C8orf74: variants seen among roughly 807,000 people sequenced by gnomAD.
The protein encoded by C8orf74 is uncharacterized protein C8orf74.
A neutral mutation model predicts 22.2 loss-of-function variants in C8orf74; 29 were observed. That is an observed-to-expected ratio of 1.31 (90% CI 0.97 to 1.78). The LOEUF is 1.78. Ranked by LOEUF, C8orf74 falls within the 40% of genes most tolerant of loss-of-function variation. The probability of loss-of-function intolerance (pLI) is 0.00; values close to 1 mark genes in which losing one functional copy is unlikely to be tolerated. For missense variants in C8orf74, 515 were observed against 369.9 expected (o/e 1.39, Z -3.22); for synonymous variants, 255 against 163.1 (o/e 1.56, Z -4.30).
chr8:10,695,546 G>A (rs2129058803), intron 2 of C8orf74, among the ~76,000 whole-genome samples: 1 of 152,266 alleles, frequency 6.6e-6, no homozygotes, highest in South Asian at 2.1e-4. Flanking sequence ...ATTTTCCCAA[G>A]ACCATGATGT....
Position 10,700,367 on chromosome 8 carries a change from G to GCCCCCCCCCCCAAACCCCCC in C8orf74, c.786_787insCCCCCCAAACCCCCCCCCCC (p.Thr263ProfsTer24). ...TCAGAAGAAGACTCTGAACCTCAACGCCCCCACCCCTATCCCGCCCCCCAT... is the reference window on the plus strand; with the variant it reads ...TCAGAAGAAGACTCTGAACCTCAACGCCCCCCCCCCCAAACCCCCCCCCCCACCCCTATCCCGCCCCCCAT... On this transcript the variant is annotated frameshift_variant, in exon 4 of 4. Coordinates refer to ENST00000304519, the MANE Select transcript of C8orf74 (RefSeq NM_001040032.2). LOFTEE classifies it low-confidence loss of function (END_TRUNC). 5 of 1,590,882 alleles carry GCCCCCCCCCCCAAACCCCCC rather than the reference G, an allele frequency of 3.1e-6. No homozygotes were observed. The highest frequency in any genetic ancestry group is 1.3e-5 in the African/African-American group (1 of 74,438).
chr8:10,687,125 C>T (rs1328172546), intron 2 of C8orf74: 2 of 456,160 alleles, frequency 4.4e-6, no homozygotes, highest in South Asian at 1.5e-5. Context: ...GTAGGAATGC[C>T]AGCAGAGGCC....
chr8:10,690,364 G>A (rs927314726), intron 2 of C8orf74, among the ~76,000 whole-genome samples: 17 of 152,150 alleles, frequency 1.1e-4, no homozygotes, highest in Admixed American at 1.0e-3. Flanking sequence ...GGCAGCCAGG[G>A]GTGAAGGAGT....
At chr8:10,695,865 C>A (rs1210888057) in intron 2 of C8orf74, among the ~76,000 whole-genome samples, 2 of 152,180 alleles carry the variant, frequency 1.3e-5, no homozygotes, top group Non-Finnish European at 1.5e-5. Context: ...ATGTTACTTT[C>A]ATTGTCGGCA....
At chr8:10,697,034 T>A (rs557445102) in intron 2 of C8orf74, among the ~76,000 whole-genome samples, 34 of 151,680 alleles carry the variant, frequency 2.2e-4, no homozygotes, top group African/African-American at 8.2e-4. Flanking sequence ...ATTTACATGA[T>A]TATACTGGGG....
intron 2 of C8orf74, among the ~76,000 whole-genome samples, chr8:10,678,207 G>A (rs1394322361): frequency 3.3e-5 from 5 of 152,294 alleles, no homozygotes; most frequent in African/African-American, 9.6e-5. Context: ...TACTGGGTGC[G>A]TGGTCTAGGG....
At chr8:10,699,538 A>G (rs1799608155) in intron 3 of C8orf74, among the ~76,000 whole-genome samples, 1 of 152,238 alleles carries the variant, frequency 6.6e-6, no homozygotes, top group Non-Finnish European at 1.5e-5. Flanking sequence ...TTGCTCGGGC[A>G]AGGAACCTAG....
chr8:10,693,778 C>A (rs1799432826), intron 2 of C8orf74, among the ~76,000 whole-genome samples: 1 of 152,188 alleles, frequency 6.6e-6, no homozygotes, highest in Non-Finnish European at 1.5e-5. Flanking sequence ...TCTTGCACAC[C>A]CTACGTCCGA....
intron 2 of C8orf74, among the ~76,000 whole-genome samples, chr8:10,678,180 G>A (rs1437733925): frequency 2.6e-5 from 4 of 152,184 alleles, no homozygotes; most frequent in South Asian, 2.1e-4. Flanking sequence ...GGAAAATTCA[G>A]GTCTTACCTG....
chr8:10,678,070 G>C (rs1369552768), intron 2 of C8orf74, among the ~76,000 whole-genome samples: 1 of 152,146 alleles, frequency 6.6e-6, no homozygotes, highest in East Asian at 1.9e-4. Flanking sequence ...GTGAGGCATG[G>C]TTAATACAAA....
intron 2 of C8orf74, among the ~76,000 whole-genome samples, chr8:10,683,263 T>C (rs536126694): frequency 6.6e-6 from 1 of 152,328 alleles, no homozygotes; most frequent in South Asian, 2.1e-4. Context: ...GGCTCCAGGA[T>C]GGTACGTGGC....
In C8orf74 at chr8:10,674,730, C is replaced by T. The variant is rs771878706; in HGVS notation, c.133C>T (p.Leu45=). 2.2e-5 allele frequency: 36 copies of T among 1,608,106 alleles called. 1 individual carries two copies. In the South Asian group the frequency reaches 3.0e-4, roughly 13 times the overall value. The change falls in exon 2 of 4, where the codon CTG becomes TTG. Residue 45 remains leucine, a synonymous_variant. Coordinates refer to ENST00000304519, the MANE Select transcript of C8orf74 (RefSeq NM_001040032.2). Reference sequence around the variant, plus strand: ...GAGAGACTCCCGGAGGAGCATCCTGCTGGACACCCTCTACGAGAGCATCAT... The same window carrying T: ...GAGAGACTCCCGGAGGAGCATCCTGTTGGACACCCTCTACGAGAGCATCAT... ...EQRDSRRSIL[L]DTLYESIIFA...
At chr8:10,687,800 A>C (rs1799292540) in intron 2 of C8orf74, among the ~76,000 whole-genome samples, 1 of 152,210 alleles carries the variant, frequency 6.6e-6, no homozygotes, top group Non-Finnish European at 1.5e-5. Context: ...TCTTTCATTT[A>C]ATTATAGCAT....
chr8:10,686,394 G>A (rs1799263043), intron 2 of C8orf74, among the ~76,000 whole-genome samples: 1 of 152,200 alleles, frequency 6.6e-6, no homozygotes, highest in South Asian at 2.1e-4. Flanking sequence ...GATGGATAAT[G>A]TAAATGCTTT....
At chr8:10,685,573 T>G (rs1171372382) in intron 2 of C8orf74, among the ~76,000 whole-genome samples, 1 of 152,234 alleles carries the variant, frequency 6.6e-6, no homozygotes, top group East Asian at 1.9e-4. Flanking sequence ...AGTCCGTCTA[T>G]GAGGAACACA....
intron 2 of C8orf74, among the ~76,000 whole-genome samples, chr8:10,696,833 C>A (rs1299707080): frequency 6.6e-6 from 1 of 151,876 alleles, no homozygotes; most frequent in East Asian, 1.9e-4. Flanking sequence ...AGATAAAGCA[C>A]AGCGAAAGTA....
At chr8:10,684,072 G>C (rs974508580) in intron 2 of C8orf74, among the ~76,000 whole-genome samples, 4 of 152,144 alleles carry the variant, frequency 2.6e-5, no homozygotes, top group African/African-American at 9.7e-5. Context: ...ACCAGGGAAG[G>C]GGATGATGAT....
chr8:10,676,078 T>C (rs1253914432), intron 2 of C8orf74, among the ~76,000 whole-genome samples: 2 of 152,044 alleles, frequency 1.3e-5, no homozygotes, highest in East Asian at 3.8e-4. Context: ...GTGGGGTGTG[T>C]AGGGTGGGGC....
chr8:10,675,868 G>T (rs575187562), intron 2 of C8orf74: 2 of 152,348 alleles, frequency 1.3e-5, no homozygotes, highest in African/African-American at 4.8e-5. Flanking sequence ...AACTGAAAGA[G>T]GCGAAGGGAT....
Sources: allele counts gnomAD v4.1 joint callset (sites outside exome capture counted in the v4.1 genomes callset), GRCh38; gene constraint gnomAD v4.1.1; transcripts MANE v1.5; gene names NCBI Gene and HGNC (gene_info 2026-07-23, HGNC 2026-07-21).